The following CNBD1 variants were observed in gnomAD, a reference collection of about 807,000 sequenced individuals.
CNBD1 encodes cyclic nucleotide binding domain containing 1.
A neutral mutation model predicts 54.4 loss-of-function variants in CNBD1; 71 were observed. The observed-to-expected ratio is 1.30, with a 90% CI of 1.08 to 1.59. The LOEUF is 1.59. CNBD1 is among the 40% of genes most tolerant of loss of function. The pLI, the probability that CNBD1 is intolerant of heterozygous loss-of-function variation, is 0.00. For missense variants in CNBD1, 659 were observed against 518.0 expected (o/e 1.27, Z -2.64); for synonymous variants, 182 against 170.7 (o/e 1.07, Z -0.51).
chr8:87,412,924 G>A (rs888705262), intron 2 of CNBD1, among the ~76,000 whole-genome samples: 1 of 152,078 alleles, frequency 6.6e-6, no homozygotes, highest in African/African-American at 2.4e-5. Context: ...ATTTGTCTCA[G>A]GGTAGGTGGA....
At position 87,137,929 on chromosome 8, in the gene CNBD1, T is replaced by A. The variant is rs546617586; in HGVS notation, c.432-68064T>A. On this transcript the variant is annotated intron_variant, in intron 4 of 10. Coordinates refer to ENST00000518476, the MANE Select transcript of CNBD1 (RefSeq NM_173538.3). ...AGAGTTTCTGCCATAATTATGGTTATGATTCTTCATTTTGTTCTTGAAGCC... is the reference window on the plus strand; with the variant it reads ...AGAGTTTCTGCCATAATTATGGTTAAGATTCTTCATTTTGTTCTTGAAGCC... Among the ~76,000 whole-genome samples the A allele has an allele frequency of 2.8e-4, 42 of 152,278 alleles. No homozygotes were observed. In the South Asian group the frequency reaches 8.5e-3, roughly 31 times the overall value.
At chr8:87,351,057 T>A (rs1310735955) in intron 8 of CNBD1, among the ~76,000 whole-genome samples, 2 of 152,148 alleles carry the variant, frequency 1.3e-5, no homozygotes, top group African/African-American at 2.4e-5. Context: ...ATATGCCCCA[T>A]GTGGTTTATA....
chr8:87,078,971 G>A (rs16896903), intron 4 of CNBD1, among the ~76,000 whole-genome samples: 2,924 of 151,940 alleles, frequency 0.019, 102 homozygotes, highest in African/African-American at 0.066. Flanking sequence ...AGACAAAACT[G>A]TGTTACTCCC....
intron 8 of CNBD1, among the ~76,000 whole-genome samples, chr8:87,349,592 C>A (rs1046125166): frequency 2.6e-5 from 4 of 152,170 alleles, no homozygotes; most frequent in African/African-American, 9.7e-5. Context: ...GCCAGGTGTT[C>A]TCAAACTCCT....
Position 87,406,603 on chromosome 8 carries a change from C to T in CNBD1, c.214-21943C>T, listed in dbSNP as rs149308821. Among the ~76,000 whole-genome samples the T allele has an allele frequency of 5.0e-3, 767 of 151,892 alleles. 3 individuals carry two copies. Among genetic ancestry groups the T allele is most frequent in the Middle Eastern group, 0.031 (9 of 294 alleles). On this transcript the variant is annotated intron_variant, in intron 2 of 7. Coordinates refer to the CNBD1 transcript ENST00000521593. ...CAAGTGATTCTCCTGCCTCAGCTTC[C>T]GGAGTAGCTAGGACTACAGGCGTGT...
At chr8:87,318,263 T>C (rs965028082) in intron 8 of CNBD1, among the ~76,000 whole-genome samples, 13 of 152,226 alleles carry the variant, frequency 8.5e-5, no homozygotes, top group African/African-American at 2.6e-4. Flanking sequence ...TAATTTTGCA[T>C]TGGATTCCAA....
At chr8:87,082,419 G>T (rs1344573511) in intron 4 of CNBD1, among the ~76,000 whole-genome samples, 2 of 152,092 alleles carry the variant, frequency 1.3e-5, no homozygotes, top group African/African-American at 4.8e-5. Context: ...GCCTGTTGGT[G>T]GACTCTCTTC....
chr8:86,998,226 T>C (rs1349524624), intron 4 of CNBD1, among the ~76,000 whole-genome samples: 1 of 151,646 alleles, frequency 6.6e-6, no homozygotes, highest in Non-Finnish European at 1.5e-5. Flanking sequence ...TTTTTTAATA[T>C]ATATTGCTGA....
chr8:87,252,416 A>G (rs910954397), intron 6 of CNBD1, among the ~76,000 whole-genome samples: 1 of 151,876 alleles, frequency 6.6e-6, no homozygotes, highest in African/African-American at 2.4e-5. Flanking sequence ...AAGAAAGACA[A>G]TTTCATATCT....
chr8:86,932,402 C>T (rs4604452), intron 3 of CNBD1, among the ~76,000 whole-genome samples: 141,819 of 152,072 alleles, frequency 0.93, 66,242 homozygotes, highest in East Asian at 1. Context: ...CTTTGCTTGT[C>T]TCCTTCTGGG....
intron 8 of CNBD1, among the ~76,000 whole-genome samples, chr8:87,310,711 T>C (rs927440382): frequency 2.6e-5 from 4 of 152,106 alleles, no homozygotes; most frequent in African/African-American, 9.7e-5. Flanking sequence ...GCCAGAGGCA[T>C]CACATGACCA....
At chr8:87,009,451 C>A (rs1809170142) in intron 4 of CNBD1, among the ~76,000 whole-genome samples, 1 of 151,956 alleles carries the variant, frequency 6.6e-6, no homozygotes, top group South Asian at 2.1e-4. Context: ...CAGGCACGTG[C>A]CACAACACCC....
At chr8:87,086,925 A>C (rs1190185747) in intron 4 of CNBD1, among the ~76,000 whole-genome samples, 1 of 152,094 alleles carries the variant, frequency 6.6e-6, no homozygotes, top group Non-Finnish European at 1.5e-5. Context: ...TTAAATAGAA[A>C]AGTGAATGTG....
In CNBD1 at chr8:87,359,914, C is replaced by A. The variant is rs1050288346; in HGVS notation, c.1303+6128C>A. Among the ~76,000 whole-genome samples the A allele has an allele frequency of 3.3e-5, 5 of 152,064 alleles. No homozygotes were observed. In the East Asian group the frequency reaches 7.7e-4, roughly 23 times the overall value. Reference sequence around the variant, plus strand: ...TAAAATAATTATGTTCCAATAGAATCCTCAATTATTAGTTGGTTATGTTGC... The same window carrying A: ...TAAAATAATTATGTTCCAATAGAATACTCAATTATTAGTTGGTTATGTTGC... On this transcript the variant is annotated intron_variant, in intron 10 of 10. Transcript: ENST00000518476.
rs1212762656 is a variant in CNBD1 at position 87,163,307 on chromosome 8, A to C, written c.432-42686A>C. 6.6e-6 allele frequency among the ~76,000 whole-genome samples: 1 copy of C among 151,670 alleles called. No homozygotes were observed. Among genetic ancestry groups the C allele is most frequent in the Non-Finnish European group, 1.5e-5 (1 of 67,900 alleles). Reference sequence around the variant, plus strand: ...CAAGATTGCTTTGCCTATTCAGGATATTTTCTGCTTCCATATGAATTTTAG... The same window carrying C: ...CAAGATTGCTTTGCCTATTCAGGATCTTTTCTGCTTCCATATGAATTTTAG... On this transcript the variant is annotated intron_variant, in intron 4 of 10. Coordinates refer to ENST00000518476, the MANE Select transcript of CNBD1 (RefSeq NM_173538.3). This position sits in a 1 kb window ranked among gnomAD's most constrained non-coding sequence, Gnocchi z 4.5.
intron 4 of CNBD1, among the ~76,000 whole-genome samples, chr8:86,948,827 A>G (rs1312430605): frequency 6.6e-6 from 1 of 152,012 alleles, no homozygotes; most frequent in African/African-American, 2.4e-5. Context: ...ACTGAAGAAA[A>G]TTTTTGCCCA....
intron 10 of CNBD1, among the ~76,000 whole-genome samples, chr8:87,378,385 T>C (rs1292436619): frequency 1.3e-5 from 2 of 150,098 alleles, no homozygotes; most frequent in Admixed American, 6.6e-5. Flanking sequence ...TAGCCAGTTT[T>C]CCCAGCACCA....
At chr8:87,347,061 A>G (rs1810189896) in intron 8 of CNBD1, among the ~76,000 whole-genome samples, 1 of 152,124 alleles carries the variant, frequency 6.6e-6, no homozygotes, top group South Asian at 2.1e-4. Flanking sequence ...TTGGGGGCTT[A>G]TGTAGGAGGA....
intron 1 of CNBD1, among the ~76,000 whole-genome samples, chr8:86,887,160 C>T (rs1189193425): frequency 2.0e-5 from 3 of 152,050 alleles, no homozygotes; most frequent in African/African-American, 7.2e-5. Flanking sequence ...AAGTGAGAGA[C>T]CAAATTAAGA....
Sources: allele counts gnomAD v4.1 joint callset (sites outside exome capture counted in the v4.1 genomes callset), GRCh38; gene constraint gnomAD v4.1.1; non-coding constraint Gnocchi (gnomAD v3.1); transcripts MANE v1.5; gene names NCBI Gene and HGNC (gene_info 2026-07-23, HGNC 2026-07-21).